Variants in SLC35F3 observed in about 807,000 individuals in gnomAD.
SLC35F3 encodes the protein putative thiamine transporter SLC35F3.
Under a neutral mutation model 49.9 loss-of-function variants are expected in SLC35F3, and 25 were observed. The observed-to-expected ratio is 0.50, with a 90% confidence interval of 0.37 to 0.70. The LOEUF is 0.70. Among genes scored for constraint, SLC35F3 ranks in the 30% least tolerant of loss-of-function variants. The probability of loss-of-function intolerance (pLI) is 0.00; values close to 1 mark genes in which losing one functional copy is unlikely to be tolerated. For synonymous variants in SLC35F3, 275 were observed against 265.4 expected (o/e 1.04, Z -0.35); for missense variants, 525 against 639.8 (o/e 0.82, Z 1.94).
At chr1:234,028,975 A>G (rs1015841070) in intron 2 of SLC35F3, among the ~76,000 whole-genome samples, 1 of 152,238 alleles carries the variant, frequency 6.6e-6, no homozygotes, top group Non-Finnish European at 1.5e-5. Flanking sequence ...AACTTGAATG[A>G]ACTCAGGCAT....
intron 3 of SLC35F3, among the ~76,000 whole-genome samples, chr1:234,236,941 A>ATATG (rs1667482859): frequency 9.6e-6 from 1 of 103,962 alleles, no homozygotes; most frequent in Admixed American, 9.3e-5. Context: ...ATATATATAT[A>ATATG]TATATATATA....
intron 3 of SLC35F3, among the ~76,000 whole-genome samples, chr1:234,296,725 A>G (rs1668598490): frequency 6.6e-6 from 1 of 152,216 alleles, no homozygotes; most frequent in Admixed American, 6.5e-5. Flanking sequence ...TTGACTGAGC[A>G]TGCAAAATAA....
intron 2 of SLC35F3, among the ~76,000 whole-genome samples, chr1:234,137,308 G>A (rs1413537465): frequency 6.6e-6 from 1 of 152,210 alleles, no homozygotes; most frequent in Non-Finnish European, 1.5e-5. Flanking sequence ...GGTGGCAGGA[G>A]GGCAATTCAG....
rs150480611 is a variant in SLC35F3, at chr1:234,064,236, T to C, written c.283+158478T>C. Among the ~76,000 whole-genome samples, 359 of 152,334 alleles carry C rather than the reference T, an allele frequency of 2.4e-3. 3 individuals carry two copies. The highest frequency in any genetic ancestry group is 8.1e-3 in the African/African-American group (338 of 41,572). The stretch of plus-strand genomic sequence containing the variant: ...TGTGTGTTTCCCTTGAATTTATTTT[T>C]CTGTTTTCCAGCTATGTGTCTTGCG... On this transcript the variant is annotated intron_variant, in intron 2 of 7. Coordinates refer to ENST00000366618, the MANE Select transcript of SLC35F3 (RefSeq NM_173508.4).
At chr1:234,202,215 A>T (rs865839749) in intron 2 of SLC35F3, among the ~76,000 whole-genome samples, 1 of 152,196 alleles carries the variant, frequency 6.6e-6, no homozygotes, top group African/African-American at 2.4e-5. Context: ...ACACATGGAC[A>T]TGTGGTGCAG....
At chr1:234,119,185 ATAC>A (rs1665536989) in intron 2 of SLC35F3, among the ~76,000 whole-genome samples, 1 of 152,110 alleles carries the variant, frequency 6.6e-6, no homozygotes, top group Non-Finnish European at 1.5e-5. Context: ...AGGGGAGTGA[ATAC>A]TTGTGAGCAG....
rs1335458074 is a variant in SLC35F3, at chr1:234,093,887, T to G, written c.284-137530T>G. Reference sequence around the variant, plus strand: ...TCCAAGTAGGATGGGCAAGAAAAACTGGAACACTCTTGGAGAGGGAGTCTG... The same window carrying G: ...TCCAAGTAGGATGGGCAAGAAAAACGGGAACACTCTTGGAGAGGGAGTCTG... On this transcript the variant is annotated intron_variant, in intron 2 of 7. Transcript: ENST00000366618. Among the ~76,000 whole-genome samples, 3 of 152,248 alleles carry G rather than the reference T, an allele frequency of 2.0e-5. No homozygotes were observed. In the East Asian group the frequency reaches 5.8e-4, roughly 29 times the overall value.
chr1:234,096,790 T>A (rs1279746519), intron 2 of SLC35F3, among the ~76,000 whole-genome samples: 1 of 152,104 alleles, frequency 6.6e-6, no homozygotes, highest in Non-Finnish European at 1.5e-5. Context: ...TTCAATGACC[T>A]AATATTGCAG....
intron 2 of SLC35F3, among the ~76,000 whole-genome samples, chr1:234,102,150 G>A (rs1238962403): frequency 6.6e-6 from 1 of 152,172 alleles, no homozygotes. Context: ...TTTCCATGTG[G>A]AGAAAAAGAG....
intron 2 of SLC35F3, among the ~76,000 whole-genome samples, chr1:234,008,004 T>G (rs1187792529): frequency 6.6e-6 from 1 of 152,168 alleles, no homozygotes; most frequent in Non-Finnish European, 1.5e-5. Context: ...GGTTAGTAAT[T>G]AAAAATGATT....
Position 234,231,616 on chromosome 1 carries a change from G to T in SLC35F3, c.483G>T (p.Arg161Ser), listed in dbSNP as rs772893092. The change falls in exon 3 of 8, where the codon AGG (arginine) becomes AGT (serine). Residue 161 changes from arginine to serine, a missense_variant. Around this residue, in one of 4 missense-constraint regions of SLC35F3, gnomAD observed 216 missense variants for 298.1 expected, o/e 0.72. Transcript: ENST00000366618. The surrounding 1 kb of genome is among the most constrained non-coding windows in gnomAD (Gnocchi z 5.4). Reference sequence around the variant, plus strand: ...CGCAGCTCGCCAAGCTGACCTTCAGGAAGTTCGACGCGCCCTTCACCCTCA... The same window carrying T: ...CGCAGCTCGCCAAGCTGACCTTCAGTAAGTTCGACGCGCCCTTCACCCTCA... Reference protein sequence around the residue: ...GSTQLAKLTFRKFDAPFTLTW... With the variant: ...GSTQLAKLTFSKFDAPFTLTW... 3.1e-6 allele frequency: 5 copies of T among 1,614,092 alleles called. No individual in the cohort carries two copies. The African/African-American group carries it at 6.7e-5, about 22-fold the overall frequency.
At chr1:233,981,825 G>A (rs948432841) in intron 2 of SLC35F3, among the ~76,000 whole-genome samples, 5 of 152,200 alleles carry the variant, frequency 3.3e-5, no homozygotes, top group Admixed American at 1.3e-4. Flanking sequence ...CCTTGACAGC[G>A]TTTGATGTCA....
intron 3 of SLC35F3, among the ~76,000 whole-genome samples, chr1:234,298,140 G>GT (rs935512069): frequency 1.6e-4 from 24 of 151,974 alleles, no homozygotes; most frequent in East Asian, 5.8e-4. Context: ...ATAAAGACAG[G>GT]TTTTTTTTGA....
chr1:234,073,681 A>C (rs889231146), intron 2 of SLC35F3, among the ~76,000 whole-genome samples: 19 of 152,216 alleles, frequency 1.2e-4, no homozygotes, highest in African/African-American at 4.6e-4. Flanking sequence ...CGACATGATA[A>C]ATATATGATA....
At chr1:234,200,337 G>C (rs1666884643) in intron 2 of SLC35F3, among the ~76,000 whole-genome samples, 1 of 152,036 alleles carries the variant, frequency 6.6e-6, no homozygotes, top group East Asian at 1.9e-4. Context: ...TTTTATTTTT[G>C]AGTTATAAGA....
At chr1:234,238,611 C>A (rs1667510506) in intron 3 of SLC35F3, among the ~76,000 whole-genome samples, 1 of 152,128 alleles carries the variant, frequency 6.6e-6, no homozygotes, top group African/African-American at 2.4e-5. Flanking sequence ...TTTCCTCTGG[C>A]ATCTCCCCCC....
chr1:234,217,111 T>C (rs1038047233), intron 2 of SLC35F3, among the ~76,000 whole-genome samples: 16 of 152,250 alleles, frequency 1.1e-4, no homozygotes, highest in African/African-American at 3.6e-4. Context: ...TGTGGGTGTT[T>C]CTGTATGGAT....
At chr1:234,080,201 A>C (rs1032159808) in intron 2 of SLC35F3, among the ~76,000 whole-genome samples, 1 of 152,180 alleles carries the variant, frequency 6.6e-6, no homozygotes, top group African/African-American at 2.4e-5. Context: ...TTCAAACCCA[A>C]AAAGTTGGAG....
At chr1:234,108,717 ATATATATAAATATATATAT>A (rs1665344435) in intron 2 of SLC35F3, among the ~76,000 whole-genome samples, 2 of 69,446 alleles carry the variant, frequency 2.9e-5, no homozygotes, top group South Asian at 1.4e-3. Flanking sequence ...TATATAAAAG[ATATATATAAATATATATAT>A]CTTTTATATA....
Sources: allele counts gnomAD v4.1 joint callset (sites outside exome capture counted in the v4.1 genomes callset), GRCh38; gene constraint gnomAD v4.1.1; regional missense constraint gnomAD v4.1.1; non-coding constraint Gnocchi (gnomAD v3.1); transcripts MANE v1.5; gene names NCBI Gene and HGNC (gene_info 2026-07-23, HGNC 2026-07-21).